Variants in PRDM16 observed in about 807,000 individuals in gnomAD.
PRDM16 encodes histone-lysine N-methyltransferase PRDM16.
A neutral mutation model predicts 110.6 loss-of-function variants in PRDM16; 23 were observed. The observed-to-expected ratio is 0.21, with a 90% confidence interval of 0.15 to 0.29. The LOEUF (loss-of-function observed/expected upper bound fraction) is 0.29. Ranked by LOEUF, PRDM16 falls within the 10% of genes least tolerant of loss-of-function variation. The pLI is 1.00. For synonymous variants in PRDM16, 799 were observed against 781.8 expected, an observed-to-expected ratio of 1.02 and a Z score of -0.37; for missense variants, 1,615 against 1,794.3, an observed-to-expected ratio of 0.90 and a Z score of 1.81.
intron 1 of PRDM16, among the ~76,000 whole-genome samples, chr1:3,070,346 G>A (rs1641719205): frequency 6.7e-6 from 1 of 148,216 alleles, no homozygotes; most frequent in Admixed American, 6.7e-5. Flanking sequence ...AGCAGCCCGC[G>A]CGCACCCCGC....
chr1:3,420,717 G>A (rs1362169614), intron 12 of PRDM16, among the ~76,000 whole-genome samples: 1 of 151,340 alleles, frequency 6.6e-6, no homozygotes, highest in Non-Finnish European at 1.5e-5. Flanking sequence ...GAAGCGGGAA[G>A]GTGAGATTGA....
At chr1:3,083,837 C>T (rs1642086990) in intron 1 of PRDM16, among the ~76,000 whole-genome samples, 1 of 152,136 alleles carries the variant, frequency 6.6e-6, no homozygotes, top group Non-Finnish European at 1.5e-5. Flanking sequence ...TTGGACTTGC[C>T]CAGGGAACTG....
intron 1 of PRDM16, among the ~76,000 whole-genome samples, chr1:3,145,454 G>A (rs1358070355): frequency 4.6e-5 from 7 of 152,308 alleles, no homozygotes; most frequent in Non-Finnish European, 8.8e-5. Flanking sequence ...CTGGAAGGAG[G>A]AACGGGGCCT....
At chr1:3,128,616 G>A (rs1413690126) in intron 1 of PRDM16, among the ~76,000 whole-genome samples, 41 of 152,304 alleles carry the variant, frequency 2.7e-4, no homozygotes, top group Admixed American at 2.5e-3. Flanking sequence ...CACGGTGACC[G>A]GCCGGTGAGC....
intron 3 of PRDM16, among the ~76,000 whole-genome samples, chr1:3,311,001 G>C (rs372948015): frequency 1.1e-4 from 17 of 152,218 alleles, no homozygotes; most frequent in East Asian, 9.7e-4. Flanking sequence ...GTGCGTATGT[G>C]TGTGTGTGTG....
chr1:3,304,956 G>A (rs958197520), intron 3 of PRDM16, among the ~76,000 whole-genome samples: 8 of 152,142 alleles, frequency 5.3e-5, no homozygotes, highest in Non-Finnish European at 5.9e-5. Context: ...GGTGCCCGGC[G>A]TCTGTGTCCC....
chr1:3,260,713 GGGTGATGACGGTGA>G (rs1640141952), intron 3 of PRDM16, among the ~76,000 whole-genome samples: 1 of 1,248 alleles, frequency 8.0e-4, no homozygotes, highest in Non-Finnish European at 2.7e-3. Flanking sequence ...GATGGTGGTG[GGGTGATGACGGTGA>G]TGGTGATGGT....
At chr1:3,141,228 G>C (rs1214827292) in intron 1 of PRDM16, among the ~76,000 whole-genome samples, 1 of 152,162 alleles carries the variant, frequency 6.6e-6, no homozygotes, top group Non-Finnish European at 1.5e-5. Context: ...CCAATTTGGG[G>C]GTATTTTCTC....
chr1:3,343,515 T>A (rs1330478905), intron 3 of PRDM16, among the ~76,000 whole-genome samples: 3 of 151,674 alleles, frequency 2.0e-5, no homozygotes, highest in African/African-American at 7.3e-5. Flanking sequence ...TTTTTTTTTT[T>A]AATTTTTGCT....
intron 2 of PRDM16, among the ~76,000 whole-genome samples, chr1:3,239,354 C>T (rs1277966374): frequency 1.3e-5 from 2 of 152,112 alleles, no homozygotes; most frequent in Non-Finnish European, 2.9e-5. Context: ...AGCTGCTGAC[C>T]ACCAAGACCT....
At chr1:3,328,438 G>A (rs1330973121) in intron 3 of PRDM16, among the ~76,000 whole-genome samples, 1 of 152,170 alleles carries the variant, frequency 6.6e-6, no homozygotes, top group Non-Finnish European at 1.5e-5. Context: ...TCCTGGGGGA[G>A]GTCTAGCAGC....
chr1:3,146,070 G>A lies in PRDM16; in HGVS notation c.38-40055G>A, dbSNP rs954878391. ...TTTCTGCGGGACAGAGGGTTTGGCC[G>A]AGCAGGAAAACATTTAGACACACCC... On this transcript the variant is annotated intron_variant, in intron 1 of 16. Coordinates refer to ENST00000270722, the MANE Select transcript of PRDM16 (RefSeq NM_022114.4). Among the ~76,000 whole-genome samples the A allele has an allele frequency of 7.9e-5, 12 of 152,178 alleles. No homozygotes were observed. In the South Asian group the frequency reaches 8.3e-4, roughly 11 times the overall value.
intron 1 of PRDM16, among the ~76,000 whole-genome samples, chr1:3,120,291 C>T (rs572733551): frequency 2.0e-4 from 31 of 152,358 alleles, no homozygotes; most frequent in Admixed American, 2.0e-3. Flanking sequence ...TGGCAGCCTC[C>T]CCTCCCGGGG....
intron 1 of PRDM16, among the ~76,000 whole-genome samples, chr1:3,111,832 GACAGCGCC>G (rs1251226769): frequency 6.6e-6 from 1 of 152,218 alleles, no homozygotes; most frequent in Non-Finnish European, 1.5e-5. Flanking sequence ...CCAATCACTG[GACAGCGCC>G]ACGATAATTC....
At chr1:3,286,819 A>T (rs1446108284) in intron 3 of PRDM16, among the ~76,000 whole-genome samples, 1 of 152,196 alleles carries the variant, frequency 6.6e-6, no homozygotes, top group Admixed American at 6.5e-5. Context: ...CCCAGCTCAG[A>T]TGCAAGAGGA....
intron 14 of PRDM16, among the ~76,000 whole-genome samples, 178 bp downstream of exon 14, chr1:3,426,403 C>T (rs571112933): frequency 4.6e-5 from 7 of 152,042 alleles, no homozygotes; most frequent in Admixed American, 2.0e-4. Context: ...GGGGAAGCTG[C>T]GCTGTCTGCC....
At chr1:3,197,974 G>C (rs988793984) in intron 2 of PRDM16, among the ~76,000 whole-genome samples, 2 of 152,216 alleles carry the variant, frequency 1.3e-5, no homozygotes, top group African/African-American at 4.8e-5. Context: ...CTCATGGGCC[G>C]GGTCATCAGC....
Position 3,265,541 on chromosome 1 carries a change from G to C in PRDM16, c.438+21404G>C, listed in dbSNP as rs1640265735. Among the ~76,000 whole-genome samples the C allele has an allele frequency of 6.6e-6, 1 of 152,074 alleles. No individual in the cohort carries two copies. Among genetic ancestry groups the C allele is most frequent in the South Asian group, 2.1e-4 (1 of 4,824 alleles). On this transcript the variant is annotated intron_variant, in intron 3 of 16. Transcript: ENST00000270722. The surrounding 1 kb of genome is among the most constrained non-coding windows in gnomAD (Gnocchi z 4.5). ...GCAGATGCAGGGATGTGTGACTCAA[G>C]GGACCCATCCGAGGTTCATGGGAAG... is the stretch of plus-strand genomic sequence containing the variant.
Position 3,209,272 on chromosome 1 carries a change from T to TA in PRDM16, c.387+22798_387+22799insA, listed in dbSNP as rs1557530286. Among the ~76,000 whole-genome samples the TA allele has an allele frequency of 6.6e-6, 1 of 152,114 alleles. No individual in the cohort carries two copies. Among genetic ancestry groups the TA allele is most frequent in the Non-Finnish European group, 1.5e-5 (1 of 67,998 alleles). ...ACAGGAAATAAATCTCAGAGTGGGA[T>TA]TTACTAAGCACGGTCACGCTGAACA... On this transcript the variant is annotated intron_variant, in intron 2 of 16. Coordinates refer to ENST00000270722, the MANE Select transcript of PRDM16 (RefSeq NM_022114.4). This position sits in a 1 kb window ranked among gnomAD's most constrained non-coding sequence, Gnocchi z 4.6.
Sources: allele counts gnomAD v4.1 joint callset (sites outside exome capture counted in the v4.1 genomes callset), GRCh38; gene constraint gnomAD v4.1.1; non-coding constraint Gnocchi (gnomAD v3.1); transcripts MANE v1.5; gene names NCBI Gene and HGNC (gene_info 2026-07-23, HGNC 2026-07-21).